PLXNC1: variants seen among roughly 807,000 people sequenced by gnomAD.
PLXNC1 encodes the protein plexin C1, also known as plexin-C1.
Under a neutral mutation model 178.2 loss-of-function variants are expected in PLXNC1, and 75 were observed. The ratio of observed to expected loss-of-function variants is 0.42; its 90% CI spans 0.35 to 0.51. The LOEUF is 0.51. Among genes scored for constraint, PLXNC1 ranks in the 20% least tolerant of loss-of-function variants. PLXNC1 has a pLI of 0.02. For missense variants in PLXNC1, 1,503 were observed against 1,984.4 expected, an observed-to-expected ratio of 0.76 and a Z score of 4.61; for synonymous variants, 790 against 779.9, an observed-to-expected ratio of 1.01 and a Z score of -0.22.
At chr12:94,258,737 T>A (rs1211721857) in intron 17 of PLXNC1, among the ~76,000 whole-genome samples, 1 of 152,162 alleles carries the variant, frequency 6.6e-6, no homozygotes, top group African/African-American at 2.4e-5. Flanking sequence ...ACCTCTGAGG[T>A]GGGAACCATT....
chr12:94,260,777 G>C lies in PLXNC1; in HGVS notation c.3387G>C (p.Thr1129=), dbSNP rs767708332. The C allele has an allele frequency of 1.9e-6, 3 of 1,614,082 alleles. No homozygotes were observed. In the African/African-American group the frequency reaches 4.0e-5, roughly 22 times the overall value. ...NMQPKLMLRR[T]ESVVEKLLTN... ...AGCCGAAACTCATGCTGAGACGCAC[G>C]GAGTCCGTCGTCGAAAAACTCCTCA... Residue 1129 remains threonine, a synonymous_variant, in exon 20 of 31, where the codon ACG becomes ACC. Transcript: ENST00000258526. This position sits in a 1 kb window ranked among gnomAD's most constrained non-coding sequence, Gnocchi z 4.4.
intron 17 of PLXNC1, among the ~76,000 whole-genome samples, chr12:94,257,410 A>C (rs891472496): frequency 3.3e-5 from 5 of 152,240 alleles, no homozygotes; most frequent in Non-Finnish European, 7.3e-5. Context: ...AGAAGAAATA[A>C]GGGTAGGCAG....
intron 6 of PLXNC1, among the ~76,000 whole-genome samples, chr12:94,221,757 G>T (rs1963802073): frequency 6.6e-6 from 1 of 152,208 alleles, no homozygotes. Flanking sequence ...TGACTTCGCA[G>T]ATGGTGCCTT....
chr12:94,237,593 TA>T, intron 9 of PLXNC1, 70 bp from the exon 10 acceptor site: 1 of 1,397,350 alleles, frequency 7.2e-7, no homozygotes, highest in Non-Finnish European at 1.0e-6. Context: ...CTGCAGCGTA[TA>T]AACAGATTTT....
intron 30 of PLXNC1, among the ~76,000 whole-genome samples, chr12:94,304,977 G>A (rs552002905): frequency 2.6e-5 from 4 of 152,300 alleles, no homozygotes; most frequent in East Asian, 1.9e-4. Context: ...TATTTCTTGC[G>A]AGCTTCTATT....
At chr12:94,262,837 C>CA (rs1298826811) in intron 20 of PLXNC1, 1 of 921,600 alleles carries the variant, frequency 1.1e-6, no homozygotes, top group Admixed American at 6.2e-5. Flanking sequence ...TGCCAGACAG[C>CA]ATGCTAAGAG....
intron 17 of PLXNC1, among the ~76,000 whole-genome samples, chr12:94,257,780 GC>G (rs1565834569): frequency 1.3e-5 from 2 of 151,594 alleles, no homozygotes; most frequent in African/African-American, 4.9e-5. Flanking sequence ...GGTGGCGGGC[GC>G]CTGTAGTCCC....
rs1288061943 is a variant in PLXNC1, at chr12:94,224,065, AT to A, written c.1703-162del. On this transcript the variant is annotated intron_variant, in intron 6 of 30. Transcript: ENST00000258526. ...TTCGGCTGCCTGATGCGAATGGCCT[AT>A]GGGGAAGGAACCACATACTGATTGA... Among the ~76,000 whole-genome samples, 8 of 152,314 alleles carry A rather than the reference AT, an allele frequency of 5.3e-5. No individual in the cohort carries two copies. In the East Asian group the frequency reaches 1.4e-3, roughly 26 times the overall value.
chr12:94,299,259 T>TTTG (rs1968229807), intron 27 of PLXNC1, among the ~76,000 whole-genome samples: 1 of 152,190 alleles, frequency 6.6e-6, no homozygotes, highest in Admixed American at 6.5e-5. Flanking sequence ...AAGTTTGTGT[T>TTTG]TTGTTTTATA....
At chr12:94,208,064 G>C (rs769353021) in intron 4 of PLXNC1, among the ~76,000 whole-genome samples, 3 of 152,166 alleles carry the variant, frequency 2.0e-5, no homozygotes, top group Non-Finnish European at 2.9e-5. Flanking sequence ...CAATCCAGCA[G>C]TGCTTGTCTC....
At chr12:94,197,476 G>A (rs115312936) in intron 4 of PLXNC1, among the ~76,000 whole-genome samples, 37 of 112,454 alleles carry the variant, frequency 3.3e-4, no homozygotes, top group African/African-American at 1.1e-3. Flanking sequence ...TCTCTCCCTC[G>A]TGCTTTCTTG....
intron 4 of PLXNC1, among the ~76,000 whole-genome samples, chr12:94,187,174 AAG>A (rs755091519): frequency 5.7e-5 from 6 of 105,842 alleles, no homozygotes; most frequent in Admixed American, 1.1e-4. Context: ...TCAGGCAGGA[AAG>A]AGAGAGAGAG....
chr12:94,221,278 G>A (rs943809810), intron 6 of PLXNC1, among the ~76,000 whole-genome samples: 1 of 152,314 alleles, frequency 6.6e-6, no homozygotes, highest in Non-Finnish European at 1.5e-5. Flanking sequence ...GTGGAGAATG[G>A]ACCAAAGAAG....
intron 1 of PLXNC1, among the ~76,000 whole-genome samples, chr12:94,156,477 CTT>C (rs33995488): frequency 1.4e-5 from 2 of 140,180 alleles, no homozygotes; most frequent in Admixed American, 7.1e-5. Context: ...CACTGTCTAT[CTT>C]TTTTTTTTTT....
chr12:94,293,615 C>CA (rs1403153820), intron 23 of PLXNC1, among the ~76,000 whole-genome samples: 1 of 152,150 alleles, frequency 6.6e-6, no homozygotes, highest in East Asian at 1.9e-4. Flanking sequence ...TCTGCTGTCT[C>CA]TTCCTTTTCC....
intron 12 of PLXNC1, 127 bp from the exon 13 acceptor site, chr12:94,247,776 G>A: frequency 1.3e-6 from 1 of 779,798 alleles, no homozygotes; most frequent in East Asian, 2.4e-5. Context: ...TAGTTTTGCT[G>A]TCTCCATATT....
At chr12:94,206,575 T>A (rs1170201036) in intron 4 of PLXNC1, among the ~76,000 whole-genome samples, 2 of 152,100 alleles carry the variant, frequency 1.3e-5, no homozygotes, top group Admixed American at 1.3e-4. Flanking sequence ...TGTGTCTGCC[T>A]GCAGGCTTTA....
intron 4 of PLXNC1, among the ~76,000 whole-genome samples, chr12:94,206,172 C>T (rs1243980819): frequency 6.6e-6 from 1 of 152,052 alleles, no homozygotes; most frequent in East Asian, 1.9e-4. Flanking sequence ...TATATAAAGA[C>T]TTTCTAAGTT....
intron 18 of PLXNC1, 43 bp downstream of exon 18, chr12:94,259,418 T>C (rs1397489518): frequency 2.8e-6 from 4 of 1,432,554 alleles, no homozygotes; most frequent in Non-Finnish European, 3.9e-6. Flanking sequence ...GACTGCCTGA[T>C]GTTCATAGTG....
Sources: allele counts gnomAD v4.1 joint callset (sites outside exome capture counted in the v4.1 genomes callset), GRCh38; gene constraint gnomAD v4.1.1; non-coding constraint Gnocchi (gnomAD v3.1); transcripts MANE v1.5; gene names NCBI Gene and HGNC (gene_info 2026-07-23, HGNC 2026-07-21).